Variants in IQCJ observed in about 807,000 individuals in gnomAD.
The protein encoded by IQCJ is IQ domain-containing protein J.
IQCJ carries 9 observed loss-of-function variants against 11.0 expected under a neutral mutation model. That is an observed-to-expected ratio of 0.82 (90% CI 0.49 to 1.43). The LOEUF (loss-of-function observed/expected upper bound fraction) is 1.43. Among genes scored for constraint, IQCJ ranks in the 40% most tolerant of loss-of-function variants. The pLI is 0.00. For missense variants in IQCJ, 146 were observed against 133.2 expected (o/e 1.10, Z -0.47); for synonymous variants, 55 against 51.3 (o/e 1.07, Z -0.31).
At chr3:159,150,378 T>C (rs745865981) in intron 1 of IQCJ, among the ~76,000 whole-genome samples, 7 of 152,108 alleles carry the variant, frequency 4.6e-5, no homozygotes, top group African/African-American at 9.7e-5. Context: ...TGTCTTCCGG[T>C]TCCCATTTGC....
chr3:159,194,614 G>A (rs1392602708), intron 1 of IQCJ, among the ~76,000 whole-genome samples: 6 of 152,154 alleles, frequency 3.9e-5, no homozygotes. Context: ...ATCCCTCTGG[G>A]TTCACTGAAC....
downstream of IQCJ, chr3:159,265,541 A>C: frequency 1.6e-6 from 1 of 644,698 alleles, no homozygotes; most frequent in South Asian, 2.6e-5. Flanking sequence ...TCCAAGTCAA[A>C]TGTTGTCAGT....
intron 1 of IQCJ, among the ~76,000 whole-genome samples, chr3:159,170,370 C>A (rs1388357620): frequency 6.6e-6 from 1 of 152,066 alleles, no homozygotes; most frequent in Non-Finnish European, 1.5e-5. Flanking sequence ...ATCAACACCC[C>A]CCAACTGCTT....
intron 1 of IQCJ, among the ~76,000 whole-genome samples, chr3:159,132,702 C>T (rs1720058318): frequency 6.6e-6 from 1 of 152,148 alleles, no homozygotes; most frequent in Admixed American, 6.6e-5. Flanking sequence ...ATTACTTGCT[C>T]ATTTAGGAAG....
chr3:159,145,140 A>G (rs1720850144), intron 1 of IQCJ, among the ~76,000 whole-genome samples: 1 of 152,100 alleles, frequency 6.6e-6, no homozygotes, highest in Non-Finnish European at 1.5e-5. Context: ...TTGAAATCTG[A>G]CCTCTGAACA....
At chr3:159,108,124 G>C (rs1718389301) in intron 1 of IQCJ, among the ~76,000 whole-genome samples, 1 of 151,956 alleles carries the variant, frequency 6.6e-6, no homozygotes, top group Admixed American at 6.6e-5. Flanking sequence ...AGTGAAAAGA[G>C]AATTTGCACA....
chr3:159,189,985 A>G (rs1319404565), intron 1 of IQCJ, among the ~76,000 whole-genome samples: 6 of 152,228 alleles, frequency 3.9e-5, no homozygotes, highest in African/African-American at 1.4e-4. Flanking sequence ...GGAATGCCTG[A>G]AAATATTCAC....
At chr3:159,159,057 G>A (rs1219054109) in intron 1 of IQCJ, among the ~76,000 whole-genome samples, 1 of 152,200 alleles carries the variant, frequency 6.6e-6, no homozygotes, top group African/African-American at 2.4e-5. Flanking sequence ...CAAGAGGGGA[G>A]AGCATGGCCC....
chr3:159,187,720 G>A (rs905962523), intron 1 of IQCJ, among the ~76,000 whole-genome samples: 1 of 152,206 alleles, frequency 6.6e-6, no homozygotes, highest in African/African-American at 2.4e-5. Context: ...GTTCCCTTTG[G>A]ATGTGAGCTG....
intron 1 of IQCJ, among the ~76,000 whole-genome samples, chr3:159,107,494 A>C (rs548293371): frequency 6.6e-6 from 1 of 152,312 alleles, no homozygotes. Flanking sequence ...GATGCTACCT[A>C]ACTGCTTAAG....
rs976274246 is a variant in IQCJ, at chr3:159,095,349, ATTTAT to A, written c.9+25927_9+25931del. Among the ~76,000 whole-genome samples the A allele has an allele frequency of 2.2e-4, 34 of 151,312 alleles. 3 individuals carry two copies. Among genetic ancestry groups the A allele is most frequent in the African/African-American group, 4.4e-4 (18 of 40,860 alleles). ...ATAGAGACGACAGATCAAGAGGAAA[ATTTAT>A]TTTATTTTATTTTATTTTTTTTATT... On this transcript the variant is annotated intron_variant, in intron 1 of 3. Coordinates refer to ENST00000397832, the MANE Select transcript of IQCJ (RefSeq NM_001042706.3).
chr3:159,143,708 C>A (rs1264076410), intron 1 of IQCJ, among the ~76,000 whole-genome samples: 4 of 152,154 alleles, frequency 2.6e-5, no homozygotes, highest in Non-Finnish European at 4.4e-5. Flanking sequence ...GTGTTTACTT[C>A]AAAATTATAG....
intron 3 of IQCJ, among the ~76,000 whole-genome samples, chr3:159,256,355 CAG>C (rs369620790): frequency 3.3e-4 from 50 of 149,626 alleles, no homozygotes; most frequent in Non-Finnish European, 5.1e-4. Context: ...GAGAGAGGGG[CAG>C]AGAGAGAGAG....
At chr3:159,251,620 G>GCACA (rs139292697) in intron 2 of IQCJ, among the ~76,000 whole-genome samples, 4 of 127,240 alleles carry the variant, frequency 3.1e-5, no homozygotes, top group Admixed American at 8.0e-5. Flanking sequence ...AATTTTTATT[G>GCACA]CACACACACA....
chr3:159,091,989 T>G lies in IQCJ; in HGVS notation c.9+22548T>G, dbSNP rs957831203. Among the ~76,000 whole-genome samples, 9 of 151,886 alleles carry G rather than the reference T, an allele frequency of 5.9e-5. No individual in the cohort carries two copies. The East Asian group carries it at 1.7e-3, about 29-fold the overall frequency. ...CAAAGAGTGTCAATGGATGCTAAAATCATTTTAGGGATTCAGAATATTCTC... is the reference window on the plus strand; with the variant it reads ...CAAAGAGTGTCAATGGATGCTAAAAGCATTTTAGGGATTCAGAATATTCTC... On this transcript the variant is annotated intron_variant, in intron 1 of 3. Transcript: ENST00000397832.
At chr3:159,231,093 A>G (rs1402224823) in intron 1 of IQCJ, among the ~76,000 whole-genome samples, 2 of 152,216 alleles carry the variant, frequency 1.3e-5, no homozygotes, top group Non-Finnish European at 2.9e-5. Flanking sequence ...AGTTGGCCAA[A>G]GCAGGGTTTG....
chr3:159,265,551 T>C (rs961292721), downstream of IQCJ: 2 of 615,930 alleles, frequency 3.2e-6, no homozygotes, highest in Non-Finnish European at 5.5e-6. Context: ...ATGTTGTCAG[T>C]GAGCTGTGTC....
At chr3:159,145,655 TAATC>T (rs1388090750) in intron 1 of IQCJ, among the ~76,000 whole-genome samples, 4 of 152,182 alleles carry the variant, frequency 2.6e-5, no homozygotes, top group African/African-American at 7.2e-5. Context: ...CCATAAATTT[TAATC>T]AATCACTTAT....
intron 1 of IQCJ, among the ~76,000 whole-genome samples, chr3:159,122,907 G>A (rs1057294366): frequency 6.6e-6 from 1 of 152,114 alleles, no homozygotes; most frequent in Non-Finnish European, 1.5e-5. Context: ...GGGTTGGCAT[G>A]AATGGGTAAT....
Sources: allele counts gnomAD v4.1 joint callset (sites outside exome capture counted in the v4.1 genomes callset), GRCh38; gene constraint gnomAD v4.1.1; transcripts MANE v1.5; gene names NCBI Gene and HGNC (gene_info 2026-07-23, HGNC 2026-07-21).